The following TMPRSS15 variants were observed in gnomAD, a reference collection of about 807,000 sequenced individuals.
The protein encoded by TMPRSS15 is enteropeptidase.
TMPRSS15 carries 128 observed loss-of-function variants against 125.3 expected under a neutral mutation model. The observed-to-expected ratio is 1.02, with a 90% CI of 0.89 to 1.18. TMPRSS15 has a LOEUF of 1.18. Among genes scored for constraint, TMPRSS15 ranks in the 50% most tolerant of loss-of-function variants. The pLI is 0.00. For missense variants in TMPRSS15, 1,283 were observed against 1,212.7 expected, an observed-to-expected ratio of 1.06 and a Z score of -0.86; for synonymous variants, 446 against 423.2, an observed-to-expected ratio of 1.05 and a Z score of -0.66.
chr21:18,383,662 G>C lies in TMPRSS15; in HGVS notation c.461C>G (p.Thr154Ser), dbSNP rs759452327. 1.9e-6 allele frequency: 3 copies of C among 1,613,948 alleles called. No homozygotes were observed. Among genetic ancestry groups the C allele is most frequent in the Non-Finnish European group, 2.5e-6 (3 of 1,179,950 alleles). ...AACGCTGTTCAAATCAATATGGAAA[G>C]TGACCAGTTGGCTGGATTTATTTGC... ...LEANKSSQLV[T>S]FHIDLNSVDI... The change falls in exon 4 of 25, where the codon ACT (threonine) becomes AGT (serine). Residue 154 changes from threonine to serine, a missense_variant. Thr to Ser is a moderately conservative substitution (Grantham distance 58). Coordinates refer to ENST00000284885, the MANE Select transcript of TMPRSS15 (RefSeq NM_002772.3).
chr21:18,303,021 T>C (rs1371340274), intron 18 of TMPRSS15, among the ~76,000 whole-genome samples: 1 of 152,218 alleles, frequency 6.6e-6, no homozygotes, highest in East Asian at 1.9e-4. Context: ...GAGTGAAATT[T>C]CCTTTAGAAT....
At chr21:18,455,081 A>G (rs1231808225) in intron 1 of TMPRSS15, among the ~76,000 whole-genome samples, 1 of 151,966 alleles carries the variant, frequency 6.6e-6, no homozygotes, top group South Asian at 2.1e-4. Context: ...TTCACACGAG[A>G]TCTGATGGTT....
chr21:18,459,273 T>C (rs995052303), intron 1 of TMPRSS15, among the ~76,000 whole-genome samples: 3 of 152,110 alleles, frequency 2.0e-5, no homozygotes, highest in African/African-American at 7.2e-5. Context: ...CTACTCTTTT[T>C]TTTTTTTCTT....
chr21:18,383,815 G>A, intron 3 of TMPRSS15, 37 bp from the exon 4 acceptor site: 1 of 1,603,572 alleles, frequency 6.2e-7, no homozygotes, highest in Non-Finnish European at 8.5e-7. Context: ...GAAAAAGTCA[G>A]CCATCTTCCA....
Position 18,274,220 on chromosome 21 carries a change from C to G in TMPRSS15, c.2904+977G>C, listed in dbSNP as rs142194434. Among the ~76,000 whole-genome samples the G allele has an allele frequency of 7.9e-5, 12 of 152,224 alleles. No homozygotes were observed. In the East Asian group the frequency reaches 1.5e-3, roughly 20 times the overall value. On this transcript the variant is annotated intron_variant, in intron 24 of 24. Transcript: ENST00000284885. ...AACATTTTTGAGTAATTGCTCGATG[C>G]CTTACATGGGTTATCTCATTTAAAC...
chr21:18,273,724 G>A (rs1439342266), intron 24 of TMPRSS15, among the ~76,000 whole-genome samples: 1 of 152,090 alleles, frequency 6.6e-6, no homozygotes, highest in Non-Finnish European at 1.5e-5. Flanking sequence ...CCTTCTAAGT[G>A]GCAATATATC....
chr21:18,358,922 G>A (rs1290616846), intron 8 of TMPRSS15, among the ~76,000 whole-genome samples: 1 of 151,962 alleles, frequency 6.6e-6, no homozygotes, highest in Non-Finnish European at 1.5e-5. Flanking sequence ...CAATTTGAGA[G>A]GCAAGGTTCT....
At chr21:18,331,786 T>C (rs1247333751) in intron 14 of TMPRSS15, among the ~76,000 whole-genome samples, 1 of 152,210 alleles carries the variant, frequency 6.6e-6, no homozygotes, top group Non-Finnish European at 1.5e-5. Context: ...GTTCTCTCAC[T>C]GTTGTTATTC....
chr21:18,402,900 T>C (rs1392453506), intron 1 of TMPRSS15, among the ~76,000 whole-genome samples: 2 of 152,200 alleles, frequency 1.3e-5, no homozygotes, highest in African/African-American at 4.8e-5. Flanking sequence ...AAGTTAGCTC[T>C]AACTAAGAGT....
chr21:18,456,694 C>T (rs929779508), intron 1 of TMPRSS15, among the ~76,000 whole-genome samples: 2 of 151,982 alleles, frequency 1.3e-5, no homozygotes, highest in South Asian at 4.1e-4. Flanking sequence ...ATGTAAATCA[C>T]ATATAAATAA....
chr21:18,299,268 T>A (rs1023871749), intron 18 of TMPRSS15, among the ~76,000 whole-genome samples: 1 of 152,202 alleles, frequency 6.6e-6, no homozygotes, highest in Non-Finnish European at 1.5e-5. Flanking sequence ...AAAGGGTAGC[T>A]GAGAATGTAG....
chr21:18,388,099 A>G (rs2075961208), intron 3 of TMPRSS15, among the ~76,000 whole-genome samples: 1 of 152,040 alleles, frequency 6.6e-6, no homozygotes, highest in African/African-American at 2.4e-5. Context: ...AAGAGCAACA[A>G]TGTGATTTAT....
upstream of TMPRSS15, among the ~76,000 whole-genome samples, chr21:18,405,368 T>C (rs2076144120): frequency 6.6e-6 from 1 of 152,172 alleles, no homozygotes; most frequent in South Asian, 2.1e-4. Context: ...ATAGCTTTTT[T>C]AAAGAAGGCA....
In TMPRSS15 at chr21:18,349,549, C is replaced by A. The variant is rs553440451; in HGVS notation, c.1171+3354G>T. Among the ~76,000 whole-genome samples the A allele has an allele frequency of 4.9e-4, 74 of 152,218 alleles. No homozygotes were observed. The South Asian group carries it at 0.015, about 31-fold the overall frequency. On this transcript the variant is annotated intron_variant, in intron 10 of 24. Coordinates refer to ENST00000284885, the MANE Select transcript of TMPRSS15 (RefSeq NM_002772.3). ...AAACCTGCCTGGATAAGAGGAACAT[C>A]CAGAAATATTTAATTCTCTTTCATT...
In TMPRSS15 at chr21:18,397,949, A is replaced by G. The variant is rs748390885; in HGVS notation, c.277-3T>C. The stretch of plus-strand genomic sequence containing the variant: ...CTTGATAGAAAGATCTCATCTATCT[A>G]GAAAAATATAAAAGATTGAATGAGT... On this transcript the variant is annotated splice_region_variant and splice_polypyrimidine_tract_variant and intron_variant, in intron 2 of 24. Coordinates refer to ENST00000284885, the MANE Select transcript of TMPRSS15 (RefSeq NM_002772.3). 46 of 1,480,190 alleles carry G rather than the reference A, an allele frequency of 3.1e-5. No homozygotes were observed. Among genetic ancestry groups the G allele is most frequent in the Non-Finnish European group, 3.7e-5 (40 of 1,075,230 alleles). The allele number at this position is 1,480,190 out of a possible 1,614,324, so 91.7% of individuals were successfully genotyped here.
chr21:18,330,273 T>C (rs1348244282), intron 14 of TMPRSS15, among the ~76,000 whole-genome samples: 1 of 152,170 alleles, frequency 6.6e-6, no homozygotes, highest in Non-Finnish European at 1.5e-5. Context: ...CTATAGTTTC[T>C]CATCTCCTAA....
intron 3 of TMPRSS15, among the ~76,000 whole-genome samples, chr21:18,392,935 T>C (rs989211794): frequency 6.6e-6 from 1 of 152,050 alleles, no homozygotes; most frequent in African/African-American, 2.4e-5. Context: ...CCCATTCCAA[T>C]CACCTCCCAC....
At chr21:18,361,276 G>A (rs150731004) in intron 7 of TMPRSS15, among the ~76,000 whole-genome samples, 3 of 152,196 alleles carry the variant, frequency 2.0e-5, no homozygotes, top group Non-Finnish European at 4.4e-5. Context: ...ACTCCTCCAA[G>A]TGCTTTGTAA....
chr21:18,447,701 T>A (rs1286334364), intron 1 of TMPRSS15, among the ~76,000 whole-genome samples: 1 of 152,170 alleles, frequency 6.6e-6, no homozygotes, highest in Non-Finnish European at 1.5e-5. Context: ...TCCTTCATTC[T>A]GCACTTGTCT....
Sources: allele counts gnomAD v4.1 joint callset (sites outside exome capture counted in the v4.1 genomes callset), GRCh38; gene constraint gnomAD v4.1.1; transcripts MANE v1.5; gene names NCBI Gene and HGNC (gene_info 2026-07-23, HGNC 2026-07-21).